Variants in CAMTA1 observed in about 807,000 individuals in gnomAD.
CAMTA1 encodes the protein calmodulin-binding transcription activator 1.
Under a neutral mutation model 170.9 loss-of-function variants are expected in CAMTA1, and 27 were observed. That is an observed-to-expected ratio of 0.16 (90% CI 0.12 to 0.22). CAMTA1 has a LOEUF of 0.22. Among genes scored for constraint, CAMTA1 ranks in the 10% least tolerant of loss-of-function variants. The pLI, the probability that CAMTA1 is intolerant of heterozygous loss-of-function variation, is 1.00. For missense variants in CAMTA1, 1,619 were observed against 2,217.2 expected, an observed-to-expected ratio of 0.73 and a Z score of 5.42; for synonymous variants, 833 against 891.5, an observed-to-expected ratio of 0.93 and a Z score of 1.17.
chr1:7,673,618 C>T lies in CAMTA1; in HGVS notation c.2779+2581C>T, dbSNP rs1392364984. On this transcript the variant is annotated intron_variant, in intron 10 of 22. Coordinates refer to ENST00000303635, the MANE Select transcript of CAMTA1 (RefSeq NM_015215.4). This position sits in a 1 kb window ranked among gnomAD's most constrained non-coding sequence, Gnocchi z 4.6. ...TCATTATATGAGCCATAATGTGTCT[C>T]GGACCAAGGGACCAGGAGCCACAAG... Among the ~76,000 whole-genome samples the T allele has an allele frequency of 3.3e-5, 5 of 152,184 alleles. No homozygotes were observed. Among genetic ancestry groups the T allele is most frequent in the Non-Finnish European group, 1.5e-5 (1 of 68,042 alleles).
chr1:7,659,630 A>G (rs2095937293), intron 7 of CAMTA1, among the ~76,000 whole-genome samples: 1 of 152,146 alleles, frequency 6.6e-6, no homozygotes, highest in Non-Finnish European at 1.5e-5. Flanking sequence ...GCCACCACAG[A>G]GATCTACCCG....
At chr1:7,594,159 G>A (rs1198655189) in intron 6 of CAMTA1, among the ~76,000 whole-genome samples, 2 of 146,918 alleles carry the variant, frequency 1.4e-5, no homozygotes, top group Non-Finnish European at 3.0e-5. Context: ...AGGAAAGAAG[G>A]AAGGAGAAAG....
chr1:7,196,632 A>G (rs1441955708), intron 4 of CAMTA1, among the ~76,000 whole-genome samples: 1 of 152,242 alleles, frequency 6.6e-6, no homozygotes, highest in Non-Finnish European at 1.5e-5. Flanking sequence ...ATCAGACAGG[A>G]TTCCCTTGGG....
intron 7 of CAMTA1, among the ~76,000 whole-genome samples, chr1:7,654,283 G>A (rs778502076): frequency 4.6e-5 from 7 of 152,070 alleles, no homozygotes; most frequent in Non-Finnish European, 1.0e-4. Context: ...AGGAGGCTGA[G>A]GCATGAGAAT....
intron 5 of CAMTA1, among the ~76,000 whole-genome samples, chr1:7,274,816 T>C (rs189162572): frequency 5.4e-4 from 82 of 152,206 alleles, no homozygotes; most frequent in Non-Finnish European, 9.0e-4. Flanking sequence ...AACATACTGC[T>C]TAAGGTAAAA....
At chr1:7,209,416 G>A (rs751396789) in intron 4 of CAMTA1, among the ~76,000 whole-genome samples, 6 of 152,146 alleles carry the variant, frequency 3.9e-5, no homozygotes, top group Non-Finnish European at 5.9e-5. Context: ...ACACTTTGGG[G>A]TTGATTCATA....
chr1:7,493,072 CAGACAT>C (rs1158885110), intron 6 of CAMTA1, among the ~76,000 whole-genome samples: 3 of 134,480 alleles, frequency 2.2e-5, no homozygotes, highest in Non-Finnish European at 3.1e-5. Context: ...CGCACACACA[CAGACAT>C]ACAAACGTGA....
intron 6 of CAMTA1, among the ~76,000 whole-genome samples, chr1:7,571,204 T>C (rs2095121551): frequency 6.6e-6 from 1 of 152,246 alleles, no homozygotes; most frequent in Non-Finnish European, 1.5e-5. Context: ...TAGTGTCTGC[T>C]GAGGGCTTTC....
rs2097029379 is a variant in CAMTA1 at position 7,767,240 on chromosome 1, G to A, written c.*749G>A. The A allele has an allele frequency of 6.5e-6, 1 of 152,752 alleles. No individual in the cohort carries two copies. The highest frequency in any genetic ancestry group is 6.5e-5 in the Admixed American group (1 of 15,284). 9.5% of individuals were successfully genotyped at this position (152,752 alleles called of 1,614,324 possible). A position where few individuals can be genotyped will look rare whatever the true frequency, so the allele number is the denominator to read the frequency against. On this transcript the variant is annotated 3_prime_UTR_variant, in exon 23 of 23. Coordinates refer to ENST00000303635, the MANE Select transcript of CAMTA1 (RefSeq NM_015215.4). ...TTTTCTTGTCCCCACCACCTTCCAA[G>A]AACCTGCGAGGGTAGTAATCATCTT...
At chr1:7,649,964 G>T (rs1272180913) in intron 7 of CAMTA1, among the ~76,000 whole-genome samples, 9 of 152,328 alleles carry the variant, frequency 5.9e-5, no homozygotes, top group African/African-American at 1.9e-4. Flanking sequence ...AAGGCTCCAG[G>T]CCAGGTAGTT....
Position 6,971,177 on chromosome 1 carries a change from G to A in CAMTA1, c.235-120127G>A, listed in dbSNP as rs111621006. ...GTAATTAACAGAGTGAGCATGAGAC[G>A]TTCCTGCTGGAGAAGAGCACACGAT... On this transcript the variant is annotated intron_variant, in intron 3 of 22. Coordinates refer to ENST00000303635, the MANE Select transcript of CAMTA1 (RefSeq NM_015215.4). The surrounding 1 kb of genome is among the most constrained non-coding windows in gnomAD (Gnocchi z 4.6). 3.8e-3 allele frequency among the ~76,000 whole-genome samples: 577 copies of A among 152,254 alleles called. 6 individuals are homozygous for A. Among genetic ancestry groups the A allele is most frequent in the African/African-American group, 0.012 (505 of 41,556 alleles).
intron 3 of CAMTA1, among the ~76,000 whole-genome samples, chr1:7,015,327 T>C (rs1700375363): frequency 6.6e-6 from 1 of 152,146 alleles, no homozygotes; most frequent in African/African-American, 2.4e-5. Context: ...CCGCTTCCAG[T>C]GTCTGTGGCA....
intron 11 of CAMTA1, among the ~76,000 whole-genome samples, chr1:7,727,097 C>T (rs1231938341): frequency 6.6e-6 from 1 of 151,788 alleles, no homozygotes; most frequent in East Asian, 1.9e-4. Flanking sequence ...ATTATTCCTA[C>T]TCCCCTTTCT....
intron 5 of CAMTA1, among the ~76,000 whole-genome samples, chr1:7,421,956 C>T (rs147958489): frequency 3.0e-4 from 45 of 152,104 alleles, no homozygotes; most frequent in African/African-American, 9.2e-4. Context: ...GGTGCCCTCT[C>T]GGTGCGCCGT....
At chr1:7,072,389 T>C (rs1371222080) in intron 3 of CAMTA1, among the ~76,000 whole-genome samples, 1 of 152,196 alleles carries the variant, frequency 6.6e-6, no homozygotes, top group Non-Finnish European at 1.5e-5. Flanking sequence ...CCAGCATTTA[T>C]TGTGCGACCT....
intron 3 of CAMTA1, among the ~76,000 whole-genome samples, chr1:6,886,071 G>GTGCT (rs944071811): frequency 7.0e-4 from 107 of 152,306 alleles, no homozygotes; most frequent in Middle Eastern, 3.4e-3. Context: ...TTGGGCAAGG[G>GTGCT]TGCTGGTCCT....
At chr1:7,116,668 T>A (rs78291715) in intron 4 of CAMTA1, among the ~76,000 whole-genome samples, 5 of 151,176 alleles carry the variant, frequency 3.3e-5, no homozygotes, top group Non-Finnish European at 7.4e-5. Flanking sequence ...TTTTTTTTTT[T>A]ATGGAGTCTC....
chr1:7,506,950 TCACA>T (rs543662592), intron 6 of CAMTA1, among the ~76,000 whole-genome samples: 1 of 151,394 alleles, frequency 6.6e-6, no homozygotes, highest in African/African-American at 2.4e-5. Flanking sequence ...CAATCAAAAT[TCACA>T]CACACTCAAA....
At chr1:7,499,891 A>G (rs536646976) in intron 6 of CAMTA1, among the ~76,000 whole-genome samples, 1,426 of 106,110 alleles carry the variant, frequency 0.013, 66 homozygotes, top group Middle Eastern at 0.055. Flanking sequence ...CCTGGTGTGC[A>G]TGCTTATGTA....
Sources: allele counts gnomAD v4.1 joint callset (sites outside exome capture counted in the v4.1 genomes callset), GRCh38; gene constraint gnomAD v4.1.1; non-coding constraint Gnocchi (gnomAD v3.1); transcripts MANE v1.5; gene names NCBI Gene and HGNC (gene_info 2026-07-23, HGNC 2026-07-21).